Variants in APBB1IP observed in about 807,000 individuals in gnomAD.
APBB1IP encodes the protein amyloid beta precursor protein binding family B member 1 interacting protein, also known as amyloid beta A4 precursor protein-binding family B member 1-interacting protein.
APBB1IP carries 27 observed loss-of-function variants against 64.9 expected under a neutral mutation model. That is an observed-to-expected ratio of 0.42 (90% confidence interval 0.31 to 0.57). APBB1IP has a LOEUF of 0.57. APBB1IP is among the 20% of genes least tolerant of loss of function. The pLI, the probability that APBB1IP is intolerant of heterozygous loss-of-function variation, is 0.20. For synonymous variants in APBB1IP, 392 were observed against 331.0 expected, an observed-to-expected ratio of 1.18 and a Z score of -2.00; for missense variants, 812 against 845.5, an observed-to-expected ratio of 0.96 and a Z score of 0.49.
chr10:26,562,044 T>A (rs1836979232), intron 13 of APBB1IP: 2 of 294,652 alleles, frequency 6.8e-6, no homozygotes, highest in Middle Eastern at 1.2e-3. Context: ...CCCTCCTCAG[T>A]GGGCTTTATC....
intron 6 of APBB1IP, among the ~76,000 whole-genome samples, chr10:26,504,426 T>C (rs1208825612): frequency 3.3e-5 from 5 of 152,166 alleles, no homozygotes; most frequent in South Asian, 2.1e-4. Context: ...TAATAATAGT[T>C]AGGCTGGGCG....
intron 8 of APBB1IP, among the ~76,000 whole-genome samples, chr10:26,526,997 C>G (rs1326517156): frequency 6.6e-6 from 1 of 152,156 alleles, no homozygotes; most frequent in Non-Finnish European, 1.5e-5. Context: ...AGCCTGGCAG[C>G]TATTGTGGGA....
chr10:26,540,673 A>G (rs1836685840), intron 10 of APBB1IP, among the ~76,000 whole-genome samples: 1 of 152,154 alleles, frequency 6.6e-6, no homozygotes, highest in African/African-American at 2.4e-5. Flanking sequence ...TTTATTCACT[A>G]ACTAGTAAAG....
Position 26,567,174 on chromosome 10 carries a change from C to T in APBB1IP, c.1687C>T (p.Leu563Phe). The T allele has an allele frequency of 7.0e-7, 1 of 1,419,836 alleles. No individual in the cohort carries two copies. Among genetic ancestry groups the T allele is most frequent in the Non-Finnish European group, 9.2e-7 (1 of 1,092,758 alleles). The allele number at this position is 1,419,836 out of a possible 1,614,324, so 88.0% of individuals were successfully genotyped here. A position where few individuals can be genotyped will look rare whatever the true frequency, so the allele number is the denominator to read the frequency against. The change falls in exon 15 of 15, where the codon CTC becomes TTC. Residue 563 changes from leucine to phenylalanine, a missense_variant. Leu to Phe is a conservative substitution (Grantham distance 22). Around this residue, in one of 3 missense-constraint regions of APBB1IP, gnomAD observed 381 missense variants for 352.1 expected, o/e 1.08. Transcript: ENST00000376236. Reference protein sequence around the residue: ...FLPPPPPPPPLDDPELPPPPP... With the variant: ...FLPPPPPPPPFDDPELPPPPP... The stretch of plus-strand genomic sequence containing the variant: ...GCCGCCGCCGCCACCGCCGCCGCCC[C>T]TCGATGACCCTGAGCTCCCGCCGCC...
intron 2 of APBB1IP, among the ~76,000 whole-genome samples, chr10:26,485,912 C>G (rs1407019116): frequency 1.3e-5 from 2 of 152,006 alleles, no homozygotes; most frequent in East Asian, 3.9e-4. Context: ...AAAAAGAGTT[C>G]TAAAAAGCCT....
At chr10:26,504,916 G>A (rs1337031308) in intron 6 of APBB1IP, among the ~76,000 whole-genome samples, 2 of 151,936 alleles carry the variant, frequency 1.3e-5, no homozygotes, top group African/African-American at 4.8e-5. Flanking sequence ...CACCATGCCG[G>A]CTGATTTATT....
rs144531482 is a variant in APBB1IP at position 26,555,932 on chromosome 10, CA to C, written c.1156-4172del. On this transcript the variant is annotated intron_variant, in intron 11 of 14. Transcript: ENST00000376236. The stretch of plus-strand genomic sequence containing the variant: ...TCCTCTTAATGTACCTAGGAATTAG[CA>C]TATTTCTTGGCACCCAGAGATATTT... Among the ~76,000 whole-genome samples, 189 of 152,290 alleles carry C rather than the reference CA, an allele frequency of 1.2e-3. 4 individuals are homozygous for C. In the East Asian group the frequency reaches 0.036, roughly 29 times the overall value.
chr10:26,483,650 T>C (rs1796174339), intron 2 of APBB1IP, among the ~76,000 whole-genome samples: 1 of 152,246 alleles, frequency 6.6e-6, no homozygotes, highest in African/African-American at 2.4e-5. Context: ...CTGAACTTCA[T>C]TGACTGTGTC....
chr10:26,458,178 A>G (rs1589192197), intron 2 of APBB1IP, among the ~76,000 whole-genome samples: 6 of 152,320 alleles, frequency 3.9e-5, no homozygotes, highest in Admixed American at 3.9e-4. Context: ...ACTTGAGGTC[A>G]GGAGTTTGAG....
chr10:26,454,544 A>T (rs898153666), intron 2 of APBB1IP, among the ~76,000 whole-genome samples: 24 of 124,004 alleles, frequency 1.9e-4, no homozygotes, highest in African/African-American at 7.3e-4. Flanking sequence ...GGAGGTAGAG[A>T]GTAGAAGGAT....
intron 9 of APBB1IP, 29 bp downstream of exon 9, chr10:26,533,554 AAG>A: frequency 6.9e-7 from 1 of 1,450,054 alleles, no homozygotes; most frequent in Non-Finnish European, 9.4e-7. Context: ...AGTGGAAGAA[AAG>A]AGAAGGACGT....
rs116920168 is a variant in APBB1IP, at chr10:26,542,362, C to A, written c.1155+670C>A. On this transcript the variant is annotated intron_variant, in intron 11 of 14. Transcript: ENST00000376236. ...GTTAAGATAGGGCTTTACCATATTA[C>A]CCAGGCTGGTCTCAAACTCCTGGGC... Among the ~76,000 whole-genome samples, 754 of 152,202 alleles carry A rather than the reference C, an allele frequency of 5.0e-3. 46 individuals carry two copies. The East Asian group carries it at 0.13, about 26-fold the overall frequency.
At chr10:26,541,720 A>T in intron 11 of APBB1IP, 28 bp downstream of exon 11, 1 of 1,476,358 alleles carries the variant, frequency 6.8e-7, no homozygotes, top group Non-Finnish European at 9.2e-7. Context: ...ATTCATTTAG[A>T]TTTATAAGCA....
At chr10:26,520,475 C>G (rs1166544321) in intron 8 of APBB1IP, among the ~76,000 whole-genome samples, 1 of 152,066 alleles carries the variant, frequency 6.6e-6, no homozygotes, top group East Asian at 1.9e-4. Context: ...CTTAAAGTAC[C>G]AATACTGAAG....
At chr10:26,561,808 G>A (rs765003448) in intron 13 of APBB1IP, 1 of 152,180 alleles carries the variant, frequency 6.6e-6, no homozygotes, top group Non-Finnish European at 1.5e-5. Flanking sequence ...CCCACATTTT[G>A]CCCGAATTTC....
chr10:26,522,699 G>C (rs1232157630), intron 8 of APBB1IP, among the ~76,000 whole-genome samples: 1 of 151,982 alleles, frequency 6.6e-6, no homozygotes, highest in African/African-American at 2.4e-5. Flanking sequence ...TATTATAAAT[G>C]TTGATATTAA....
intron 11 of APBB1IP, among the ~76,000 whole-genome samples, chr10:26,547,534 C>T (rs375749613): frequency 8.5e-5 from 13 of 152,150 alleles, no homozygotes; most frequent in South Asian, 2.1e-4. Context: ...CTCCGCCTCT[C>T]GGGTTCAAGC....
intron 2 of APBB1IP, among the ~76,000 whole-genome samples, chr10:26,477,873 C>A (rs1835793086): frequency 6.6e-6 from 1 of 152,114 alleles, no homozygotes; most frequent in Non-Finnish European, 1.5e-5. Flanking sequence ...TAGGTGCATG[C>A]CACCACATCC....
At position 26,567,247 on chromosome 10, in the gene APBB1IP, C is replaced by CA; in HGVS notation, c.1760_1761insA (p.Pro588AlafsTer106). ...CCCCCAGACTTCGTGCCCCCGCCCC[C>CA]GCCGTCGTACGCAGGGATCGCGGGC... On this transcript the variant is annotated frameshift_variant, in exon 15 of 15. Coordinates refer to ENST00000376236, the MANE Select transcript of APBB1IP (RefSeq NM_019043.4). LOFTEE classifies it low-confidence loss of function (END_TRUNC). The CA allele has an allele frequency of 7.6e-7, 1 of 1,321,656 alleles. No individual in the cohort carries two copies. Among genetic ancestry groups the CA allele is most frequent in the South Asian group, 1.7e-5 (1 of 57,858 alleles). 81.9% of individuals were successfully genotyped at this position (1,321,656 alleles called of 1,614,324 possible). A position where few individuals can be genotyped will look rare whatever the true frequency, so the allele number is the denominator to read the frequency against.
Sources: allele counts gnomAD v4.1 joint callset (sites outside exome capture counted in the v4.1 genomes callset), GRCh38; gene constraint gnomAD v4.1.1; regional missense constraint gnomAD v4.1.1; transcripts MANE v1.5; gene names NCBI Gene and HGNC (gene_info 2026-07-23, HGNC 2026-07-21).